CHD2: variants seen among roughly 807,000 people sequenced by gnomAD.
The protein encoded by CHD2 is chromodomain helicase DNA binding protein 2, also known as ATP-dependent chromatin remodeler CHD2.
In CHD2, 28 loss-of-function variants were observed where a neutral mutation model predicts 243.9. The ratio of observed to expected loss-of-function variants is 0.11; its 90% CI spans 0.09 to 0.16. CHD2 has a LOEUF of 0.16. Ranked by LOEUF, CHD2 falls within the 10% of genes least tolerant of loss-of-function variation. The pLI is 1.00. For missense variants in CHD2, 1,386 were observed against 2,209.8 expected, an observed-to-expected ratio of 0.63 and a Z score of 7.47; for synonymous variants, 775 against 779.0, an observed-to-expected ratio of 0.99 and a Z score of 0.09.
At chr15:92,993,388 A>G (rs2054145953) in intron 28 of CHD2, among the ~76,000 whole-genome samples, 1 of 152,220 alleles carries the variant, frequency 6.6e-6, no homozygotes, top group South Asian at 2.1e-4. Context: ...GTTATGGCAA[A>G]CACAAAGGAT....
intron 1 of CHD2, 21 bp from the exon 2 acceptor site, chr15:92,901,146 C>T (rs1490407973): frequency 6.6e-6 from 5 of 758,194 alleles, no homozygotes; most frequent in Non-Finnish European, 1.2e-5. Flanking sequence ...GGGACCTTAC[C>T]TTTCTTTCAA....
Position 92,985,532 on chromosome 15 carries a change from C to A in CHD2, c.3272C>A (p.Ser1091Tyr). The change falls in exon 26 of 39, where the codon TCT (serine) becomes TAT (tyrosine). Residue 1091 changes from serine to tyrosine, a missense_variant. Ser to Tyr is a moderately radical substitution (Grantham distance 144, BLOSUM62 -2). Around this residue, in one of 19 missense-constraint regions of CHD2, gnomAD observed 99 missense variants for 206.4 expected, o/e 0.48. Coordinates refer to ENST00000394196, the MANE Select transcript of CHD2 (RefSeq NM_001271.4). ...QTNDSDSDTE[S>Y]KRQAQRSSAS... The stretch of plus-strand genomic sequence containing the variant: ...AATGACAGTGACTCTGACACTGAGT[C>A]TAAGAGGCAGGCCCAGAGATCCTCT... 1 of 1,614,044 alleles carries A rather than the reference C, an allele frequency of 6.2e-7. No individual in the cohort carries two copies. Among genetic ancestry groups the A allele is most frequent in the Non-Finnish European group, 8.5e-7 (1 of 1,179,964 alleles).
Position 93,024,861 on chromosome 15 carries a change from GCCTTTCACT to G in CHD2, c.*157_*165del. 1.5e-6 allele frequency: 1 copy of G among 655,048 alleles called. No homozygotes were observed. The highest frequency in any genetic ancestry group is 2.6e-6 in the Non-Finnish European group (1 of 389,922). The allele number at this position is 655,048 out of a possible 1,614,324, so 40.6% of individuals were successfully genotyped here. On this transcript the variant is annotated 3_prime_UTR_variant, in exon 39 of 39. Coordinates refer to ENST00000394196, the MANE Select transcript of CHD2 (RefSeq NM_001271.4). Reference sequence around the variant, plus strand: ...GAAGGAGCACTTCAAGGAATGGGAGGCCTTTCACTGGGTCCAGCTCTGATTCGGGTCACC... The same window carrying G: ...GAAGGAGCACTTCAAGGAATGGGAGGGGGTCCAGCTCTGATTCGGGTCACC...
intron 6 of CHD2, among the ~76,000 whole-genome samples, 184 bp downstream of exon 6, chr15:92,937,809 G>T (rs145890485): frequency 3.3e-5 from 5 of 152,330 alleles, no homozygotes; most frequent in African/African-American, 1.2e-4. Context: ...TTTCTTCGCA[G>T]ACTGGCTATC....
chr15:92,924,171 A>C (rs979509149), intron 2 of CHD2, 150 bp from the exon 3 acceptor site: 1 of 610,464 alleles, frequency 1.6e-6, no homozygotes, highest in African/African-American at 1.9e-5. Flanking sequence ...CGTTATTTGG[A>C]ATGTAAAAGT....
intron 26 of CHD2, 112 bp downstream of exon 26, chr15:92,985,785 A>C: frequency 9.3e-7 from 1 of 1,076,498 alleles, no homozygotes; most frequent in Non-Finnish European, 1.3e-6. Flanking sequence ...ATACCTACAA[A>C]AAAGGAAAGA....
chr15:92,925,969 T>C (rs2053052773), intron 3 of CHD2, among the ~76,000 whole-genome samples: 1 of 152,228 alleles, frequency 6.6e-6, no homozygotes, highest in Non-Finnish European at 1.5e-5. Context: ...GTGACATTGT[T>C]GGATCATTTT....
chr15:92,937,716 T>TGA, intron 6 of CHD2, 91 bp downstream of exon 6: 1 of 890,582 alleles, frequency 1.1e-6, no homozygotes, highest in Non-Finnish European at 1.7e-6. Context: ...AGAGCTTTAA[T>TGA]GAGATGCATT....
chr15:92,992,751 A>T (rs1427869237), intron 27 of CHD2, 108 bp from the exon 28 acceptor site: 2 of 1,419,652 alleles, frequency 1.4e-6, no homozygotes, highest in African/African-American at 2.8e-5. Context: ...GAACGCAAAG[A>T]AAAGTGTCTT....
intron 7 of CHD2, among the ~76,000 whole-genome samples, chr15:92,940,885 T>C (rs1050915430): frequency 2.1e-4 from 18 of 85,130 alleles, no homozygotes; most frequent in Admixed American, 6.4e-4. Context: ...CATATAAATA[T>C]ATATAAAAAT....
At position 92,998,272 on chromosome 15, in the gene CHD2, T is replaced by C. The variant is rs976970821; in HGVS notation, c.3886-227T>C. On this transcript the variant is annotated intron_variant, in intron 30 of 38. Transcript: ENST00000394196. The surrounding 1 kb of genome is among the most constrained non-coding windows in gnomAD (Gnocchi z 5.1). Reference sequence around the variant, plus strand: ...CTGTTAACAGCACAGGTAGGAGCCATTGGGAGAGCTGGATTTCTCCATCCC... The same window carrying C: ...CTGTTAACAGCACAGGTAGGAGCCACTGGGAGAGCTGGATTTCTCCATCCC... 42 of 1,279,600 alleles carry C rather than the reference T, an allele frequency of 3.3e-5. No individual in the cohort carries two copies. In the Middle Eastern group the frequency reaches 1.3e-3, roughly 38 times the overall value. The allele number at this position is 1,279,600 out of a possible 1,614,324, so 79.3% of individuals were successfully genotyped here.
chr15:93,004,093 C>T (rs988533445), intron 33 of CHD2, among the ~76,000 whole-genome samples: 4 of 146,888 alleles, frequency 2.7e-5, no homozygotes, highest in Admixed American at 6.9e-5. Context: ...CGCTGCACTC[C>T]GGCCAGGATG....
chr15:92,955,301 C>G (rs1401067242), intron 14 of CHD2, 122 bp from the exon 15 acceptor site: 2 of 561,432 alleles, frequency 3.6e-6, no homozygotes, highest in Non-Finnish European at 2.9e-6. Flanking sequence ...GTGAGATATT[C>G]ATTGAATTCT....
intron 37 of CHD2, among the ~76,000 whole-genome samples, chr15:93,016,592 G>A (rs899832363): frequency 6.6e-6 from 1 of 151,868 alleles, no homozygotes; most frequent in African/African-American, 2.4e-5. Context: ...TAAAAAATTT[G>A]TACAGTCTGG....
intron 17 of CHD2, among the ~76,000 whole-genome samples, chr15:92,970,938 G>A (rs767300422): frequency 5.3e-5 from 8 of 152,218 alleles, no homozygotes; most frequent in Non-Finnish European, 7.4e-5. Flanking sequence ...ATATACATGG[G>A]TATACATGAA....
intron 34 of CHD2, among the ~76,000 whole-genome samples, chr15:93,005,025 A>G (rs1191732118): frequency 6.6e-6 from 1 of 152,184 alleles, no homozygotes; most frequent in African/African-American, 2.4e-5. Flanking sequence ...GGCATTTGGG[A>G]AAGAGAAGTG....
intron 2 of CHD2, among the ~76,000 whole-genome samples, chr15:92,918,787 CAT>C (rs1345293592): frequency 1.3e-5 from 2 of 151,524 alleles, no homozygotes; most frequent in Admixed American, 6.6e-5. Flanking sequence ...TATATATACA[CAT>C]GTACGCTATA....
chr15:93,000,634 A>G lies in CHD2; in HGVS notation c.4131A>G (p.Glu1377=). ...RHSDNPSEEG[E]VKDDGLEKSP... Reference sequence around the variant, plus strand: ...CAGATAATCCATCAGAAGAGGGAGAAGTGAAAGTATGAAGTGGGGTTTCGG... The same window carrying G: ...CAGATAATCCATCAGAAGAGGGAGAGGTGAAAGTATGAAGTGGGGTTTCGG... The change falls in exon 32 of 39, where the codon GAA becomes GAG. Residue 1377 remains glutamate (E), a synonymous_variant. Transcript: ENST00000394196. The G allele has an allele frequency of 1.2e-6, 2 of 1,611,044 alleles. No individual in the cohort carries two copies. Among genetic ancestry groups the G allele is most frequent in the Non-Finnish European group, 1.7e-6 (2 of 1,178,666 alleles).
Position 92,941,941 on chromosome 15 carries a change from T to G in CHD2, c.812T>G (p.Leu271Arg), listed in dbSNP as rs1438400385. The G allele has an allele frequency of 6.2e-7, 1 of 1,612,680 alleles. No individual in the cohort carries two copies. Among genetic ancestry groups the G allele is most frequent in the Admixed American group, 1.7e-5 (1 of 59,664 alleles). ...ETIEKVLDSR[L>R]GKKGATGAST... ...ATTGAAAAGGTCTTAGATTCAAGACTGGGAAAGAAAGGAGGTATGTGTATT... is the reference window on the plus strand; with the variant it reads ...ATTGAAAAGGTCTTAGATTCAAGACGGGGAAAGAAAGGAGGTATGTGTATT... Residue 271 changes from leucine to arginine, a missense_variant, in exon 8 of 39, where the codon CTG becomes CGG. Leu to Arg is a moderately radical substitution (Grantham distance 102, BLOSUM62 -2). Around this residue, in one of 19 missense-constraint regions of CHD2, gnomAD observed 200 missense variants for 292.5 expected, o/e 0.68. Transcript: ENST00000394196.
Sources: allele counts gnomAD v4.1 joint callset (sites outside exome capture counted in the v4.1 genomes callset), GRCh38; gene constraint gnomAD v4.1.1; regional missense constraint gnomAD v4.1.1; non-coding constraint Gnocchi (gnomAD v3.1); transcripts MANE v1.5; gene names NCBI Gene and HGNC (gene_info 2026-07-23, HGNC 2026-07-21).